PIK3AP1: variants seen among roughly 807,000 people sequenced by gnomAD.
PIK3AP1 encodes the protein phosphoinositide-3-kinase adaptor protein 1.
A neutral mutation model predicts 88.1 loss-of-function variants in PIK3AP1; 21 were observed. The ratio of observed to expected loss-of-function variants is 0.24; its 90% CI spans 0.17 to 0.34. The LOEUF is 0.34. Among genes scored for constraint, PIK3AP1 ranks in the 10% least tolerant of loss-of-function variants. The probability of loss-of-function intolerance (pLI) is 1.00; values close to 1 mark genes in which losing one functional copy is unlikely to be tolerated. For synonymous variants in PIK3AP1, 398 were observed against 400.0 expected (o/e 1.00, Z 0.06); for missense variants, 828 against 1,035.7 (o/e 0.80, Z 2.75).
At chr10:96,633,706 A>G (rs570750510) in intron 8 of PIK3AP1, among the ~76,000 whole-genome samples, 1 of 152,382 alleles carries the variant, frequency 6.6e-6, no homozygotes, top group East Asian at 1.9e-4. Context: ...TCTGCCTTCA[A>G]AGTAATGAAT....
At chr10:96,641,300 A>T (rs968331627) in intron 8 of PIK3AP1, among the ~76,000 whole-genome samples, 10 of 152,140 alleles carry the variant, frequency 6.6e-5, no homozygotes, top group Admixed American at 3.9e-4. Context: ...TCTTTGGAGA[A>T]GCAACCTCAT....
intron 16 of PIK3AP1, among the ~76,000 whole-genome samples, chr10:96,599,115 G>A (rs1164749530): frequency 6.6e-6 from 1 of 152,158 alleles, no homozygotes; most frequent in African/African-American, 2.4e-5. Flanking sequence ...ATGGAAAGGA[G>A]GGCGGATCTG....
chr10:96,709,514 A>C, intron 2 of PIK3AP1, 53 bp downstream of exon 2: 5 of 1,537,324 alleles, frequency 3.3e-6, no homozygotes, highest in Non-Finnish European at 4.4e-6. Context: ...TACACCTAGG[A>C]CCTGGATTAG....
chr10:96,597,859 T>G (rs893739793), intron 16 of PIK3AP1, among the ~76,000 whole-genome samples: 1 of 152,136 alleles, frequency 6.6e-6, no homozygotes, highest in Non-Finnish European at 1.5e-5. Context: ...CAACCATGAT[T>G]TCCTCCCAGC....
chr10:96,620,211 G>T, intron 12 of PIK3AP1, 141 bp downstream of exon 12: 1 of 903,556 alleles, frequency 1.1e-6, no homozygotes, highest in Non-Finnish European at 1.8e-6. Flanking sequence ...ACACTCACTG[G>T]TTCACAATGA....
In PIK3AP1 at chr10:96,616,651, C is replaced by G. The variant is rs1490347030; in HGVS notation, c.2002G>C (p.Gly668Arg). 6.2e-7 allele frequency: 1 copy of G among 1,614,162 alleles called. No homozygotes were observed. The highest frequency in any genetic ancestry group is 8.5e-7 in the Non-Finnish European group (1 of 1,180,018). The change falls in exon 13 of 17, where the codon GGA becomes CGA. Residue 668 changes from glycine (G) to arginine (R), a missense_variant. By Grantham distance (125) the Gly-to-Arg change is moderately radical. Around this residue, in one of 3 missense-constraint regions of PIK3AP1, gnomAD observed 191 missense variants for 208.6 expected, o/e 0.92. Transcript: ENST00000339364. ...GGAAGCCACATACCTGTCTGCTTTC[C>G]TGATTTTTGCTTCTCTCTCTGTCTT... is the stretch of plus-strand genomic sequence containing the variant. ...TRRQREKQKS[G>R]KQTDLEITVP...
At position 96,679,296 on chromosome 10, in the gene PIK3AP1, G is replaced by C. The variant is rs186537999; in HGVS notation, c.431-22362C>G. 3.9e-3 allele frequency among the ~76,000 whole-genome samples: 597 copies of C among 152,256 alleles called. 3 individuals carry two copies. The highest frequency in any genetic ancestry group is 0.014 in the African/African-American group (583 of 41,556). ...AAATCCCAGCACTTTGGGAGGCCAA[G>C]GTGGCTGGATCTTTTGAGGTCAAGA... On this transcript the variant is annotated intron_variant, in intron 2 of 16. Coordinates refer to ENST00000339364, the MANE Select transcript of PIK3AP1 (RefSeq NM_152309.3).
intron 2 of PIK3AP1, among the ~76,000 whole-genome samples, chr10:96,679,507 G>A (rs1589533524): frequency 6.6e-6 from 1 of 151,190 alleles, no homozygotes; most frequent in Non-Finnish European, 1.5e-5. Context: ...CAGCCTGGGC[G>A]ACAGAGCAAG....
At chr10:96,703,574 T>A (rs551340907) in intron 2 of PIK3AP1, among the ~76,000 whole-genome samples, 1 of 152,346 alleles carries the variant, frequency 6.6e-6, no homozygotes, top group South Asian at 2.1e-4. Flanking sequence ...TCTATTTTTA[T>A]ATTCCATTGA....
At position 96,668,034 on chromosome 10, in the gene PIK3AP1, T is replaced by C. The variant is rs78317994; in HGVS notation, c.431-11100A>G. Among the ~76,000 whole-genome samples, 48 of 152,324 alleles carry C rather than the reference T, an allele frequency of 3.2e-4. No homozygotes were observed. In the East Asian group the frequency reaches 3.9e-3, roughly 12 times the overall value. On this transcript the variant is annotated intron_variant, in intron 2 of 16. Coordinates refer to ENST00000339364, the MANE Select transcript of PIK3AP1 (RefSeq NM_152309.3). The stretch of plus-strand genomic sequence containing the variant: ...AGTGGCAAAGTTTCCTTTTAAAATA[T>C]ACTTACTTAGAAAATATGAATTGAC...
chr10:96,719,841 T>A (rs1296380004), intron 1 of PIK3AP1, among the ~76,000 whole-genome samples: 1 of 152,144 alleles, frequency 6.6e-6, no homozygotes, highest in Non-Finnish European at 1.5e-5. Flanking sequence ...AGGAATAGTG[T>A]TCCTAGATCC....
At chr10:96,693,293 A>G (rs1844178467) in intron 2 of PIK3AP1, among the ~76,000 whole-genome samples, 1 of 151,922 alleles carries the variant, frequency 6.6e-6, no homozygotes, top group Admixed American at 6.6e-5. Flanking sequence ...TTCCCACCCC[A>G]CCCTGCTCTT....
intron 14 of PIK3AP1, among the ~76,000 whole-genome samples, chr10:96,604,863 A>AT (rs796288451): frequency 2.0e-5 from 3 of 150,556 alleles, no homozygotes; most frequent in South Asian, 2.1e-4. Context: ...CAAAAGTATA[A>AT]TTTTTTTTTT....
intron 8 of PIK3AP1, among the ~76,000 whole-genome samples, chr10:96,637,740 G>T (rs899787713): frequency 6.6e-6 from 1 of 152,106 alleles, no homozygotes; most frequent in Non-Finnish European, 1.5e-5. Flanking sequence ...GAGTAGAAAA[G>T]ATCCACCCTC....
At chr10:96,660,905 T>C (rs1409692046) in intron 2 of PIK3AP1, among the ~76,000 whole-genome samples, 1 of 151,786 alleles carries the variant, frequency 6.6e-6, no homozygotes, top group Non-Finnish European at 1.5e-5. Context: ...TCACTCTGAG[T>C]CAGGCATGGT....
intron 8 of PIK3AP1, among the ~76,000 whole-genome samples, chr10:96,632,002 G>A (rs2134213435): frequency 6.6e-6 from 1 of 152,084 alleles, no homozygotes; most frequent in South Asian, 2.1e-4. Flanking sequence ...CATTTCTATG[G>A]CATTCTTGAC....
chr10:96,633,119 T>A (rs1314657107), intron 8 of PIK3AP1: 9 of 1,500,610 alleles, frequency 6.0e-6, no homozygotes, highest in Non-Finnish European at 7.1e-6. Context: ...AGGGTCACCA[T>A]GAGAGGTATG....
Position 96,709,613 on chromosome 10 carries a change from A to G in PIK3AP1, c.384T>C (p.Asp128=). 6.2e-7 allele frequency: 1 copy of G among 1,614,052 alleles called. No homozygotes were observed. The part of the protein sequence containing the change: ...WAHWQELTCD[D]EPETYVAAVK... The stretch of plus-strand genomic sequence containing the variant: ...CAGCTGCCACGTAGGTCTCTGGCTC[A>G]TCGTCACAGGTGAGCTCCTGCCAAT... Residue 128 remains aspartate, a synonymous_variant, in exon 2 of 17, where the codon GAT becomes GAC. Transcript: ENST00000339364.
At chr10:96,718,436 G>A (rs2134299723) in intron 1 of PIK3AP1, among the ~76,000 whole-genome samples, 1 of 152,318 alleles carries the variant, frequency 6.6e-6, no homozygotes, top group Non-Finnish European at 1.5e-5. Flanking sequence ...ATGGGTCCTT[G>A]TACTTCCAAA....
Sources: gnomAD v4.1 joint callset for allele counts (sites outside exome capture counted in the v4.1 genomes callset) on GRCh38, gnomAD v4.1.1 for gene constraint, gnomAD v4.1.1 regional missense constraint, MANE v1.5 for transcripts, NCBI Gene and HGNC (gene_info 2026-07-23, HGNC 2026-07-21) for gene names.